BICDL1: variants seen among roughly 807,000 people sequenced by gnomAD.
The protein encoded by BICDL1 is BICD family-like cargo adapter 1.
In BICDL1, 20 loss-of-function variants were observed where a neutral mutation model predicts 76.8. The observed-to-expected ratio is 0.26, with a 90% CI of 0.18 to 0.38. The LOEUF is 0.38. Ranked by LOEUF, BICDL1 falls within the 10% of genes least tolerant of loss-of-function variation. BICDL1 has a pLI of 1.00. For missense variants in BICDL1, 700 were observed against 798.6 expected (o/e 0.88, Z 1.49); for synonymous variants, 383 against 337.1 (o/e 1.14, Z -1.49).
intron 2 of BICDL1, among the ~76,000 whole-genome samples, chr12:120,030,352 A>G (rs1453508208): frequency 6.6e-6 from 1 of 152,238 alleles, no homozygotes; most frequent in Non-Finnish European, 1.5e-5. Flanking sequence ...TCAACCCTTC[A>G]TTAAACCCAA....
intron 2 of BICDL1, among the ~76,000 whole-genome samples, chr12:120,044,597 A>G (rs1412287802): frequency 1.3e-5 from 2 of 152,244 alleles, no homozygotes. Flanking sequence ...TCCTTTTGAA[A>G]GTATAAACAT....
chr12:120,064,138 TC>T (rs1953167352), intron 3 of BICDL1, among the ~76,000 whole-genome samples: 1 of 152,176 alleles, frequency 6.6e-6, no homozygotes, highest in Non-Finnish European at 1.5e-5. Context: ...TCCTGCTCCA[TC>T]CCAGGACACA....
At chr12:120,073,657 C>A (rs748000252) in intron 6 of BICDL1, among the ~76,000 whole-genome samples, 9 of 152,208 alleles carry the variant, frequency 5.9e-5, no homozygotes, top group Admixed American at 3.9e-4. Flanking sequence ...GCTATTATTT[C>A]TCCTCACGTT....
chr12:119,993,999 C>T (rs943788261), intron 1 of BICDL1, among the ~76,000 whole-genome samples: 4 of 152,242 alleles, frequency 2.6e-5, no homozygotes, highest in Non-Finnish European at 4.4e-5. Flanking sequence ...TATATCCGGT[C>T]ATGTCCTTAG....
chr12:120,057,413 GT>G (rs1952998941), intron 2 of BICDL1, among the ~76,000 whole-genome samples: 1 of 152,028 alleles, frequency 6.6e-6, no homozygotes, highest in African/African-American at 2.4e-5. Flanking sequence ...TTCTTCAAAG[GT>G]TCTTCAAAGA....
intron 2 of BICDL1, among the ~76,000 whole-genome samples, chr12:120,059,452 T>G (rs1953055719): frequency 6.6e-6 from 1 of 152,092 alleles, no homozygotes; most frequent in Admixed American, 6.6e-5. Context: ...ATTTTTGTAT[T>G]TTTAGTAGAC....
intron 4 of BICDL1, among the ~76,000 whole-genome samples, chr12:120,070,216 C>T (rs1382630001): frequency 2.0e-5 from 3 of 152,124 alleles, no homozygotes; most frequent in Admixed American, 6.6e-5. Flanking sequence ...CCAAAGTATT[C>T]GTACATTTTC....
At chr12:120,064,922 A>G (rs2286040) in intron 4 of BICDL1, 43 bp downstream of exon 4, 188,323 of 1,553,148 alleles carry the variant, frequency 0.12, 15,287 homozygotes, top group East Asian at 0.42. Context: ...AGAGCCAGAT[A>G]AAAGGAGCAC....
Position 120,064,789 on chromosome 12 carries a change from A to G in BICDL1, c.819A>G (p.Leu273=). ...RELEHRLSAT[L]EENDLLQGTV... ...TGGAGCATCGTCTCAGCGCTACTTTAGAGGAAAATGACCTGCTCCAAGGGA... is the reference window on the plus strand; with the variant it reads ...TGGAGCATCGTCTCAGCGCTACTTTGGAGGAAAATGACCTGCTCCAAGGGA... The change falls in exon 4 of 10, where the codon TTA becomes TTG. Residue 273 remains leucine (L), a synonymous_variant. Transcript: ENST00000548673. 6.2e-7 allele frequency: 1 copy of G among 1,613,814 alleles called. No individual in the cohort carries two copies. Among genetic ancestry groups the G allele is most frequent in the South Asian group, 1.1e-5 (1 of 91,070 alleles).
intron 2 of BICDL1, among the ~76,000 whole-genome samples, chr12:120,027,027 CTTTTTTT>C (rs10606114): frequency 3.4e-5 from 4 of 118,098 alleles, no homozygotes; most frequent in East Asian, 2.3e-4. Context: ...GATGTAATTT[CTTTTTTT>C]TTTTTTTTTT....
intron 2 of BICDL1, among the ~76,000 whole-genome samples, chr12:120,050,885 G>T (rs1323844822): frequency 6.6e-6 from 1 of 152,098 alleles, no homozygotes; most frequent in Non-Finnish European, 1.5e-5. Flanking sequence ...TCCCACCTTG[G>T]CCTCCCAAAG....
chr12:120,081,970 AT>A (rs1472502175), intron 8 of BICDL1, among the ~76,000 whole-genome samples: 2 of 151,708 alleles, frequency 1.3e-5, no homozygotes, highest in African/African-American at 2.4e-5. Context: ...CTTGAAAAAA[AT>A]AATTTCTTAA....
intron 2 of BICDL1, among the ~76,000 whole-genome samples, chr12:120,035,198 T>C (rs1264177350): frequency 6.6e-6 from 1 of 152,050 alleles, no homozygotes. Flanking sequence ...TAGCCGGGTG[T>C]GGTGGTGCAC....
intron 2 of BICDL1, among the ~76,000 whole-genome samples, chr12:120,001,865 T>C (rs1394934103): frequency 6.6e-6 from 1 of 152,144 alleles, no homozygotes; most frequent in Non-Finnish European, 1.5e-5. Context: ...GCCTGAACTA[T>C]ACAGTAAGAC....
At chr12:120,050,331 A>T (rs1435245013) in intron 2 of BICDL1, among the ~76,000 whole-genome samples, 1 of 146,050 alleles carries the variant, frequency 6.8e-6, no homozygotes, top group Non-Finnish European at 1.5e-5. Flanking sequence ...CAGTGGCGTG[A>T]TCTCGGCTCA....
intron 2 of BICDL1, among the ~76,000 whole-genome samples, chr12:120,036,986 A>T (rs2138788273): frequency 1.3e-5 from 2 of 152,354 alleles, no homozygotes; most frequent in East Asian, 3.9e-4. Context: ...TGCTTTGAGG[A>T]TTCACTTTCC....
In BICDL1 at chr12:120,038,854, A is replaced by C. The variant is rs540351795; in HGVS notation, c.646-22856A>C. ...GATTATTTTGAGGATTTAATGAAAT[A>C]GTTCATGTGACACCAATTGGCACGG... On this transcript the variant is annotated intron_variant, in intron 2 of 9. Coordinates refer to ENST00000548673, the MANE Select transcript of BICDL1 (RefSeq NM_001367886.1). Among the ~76,000 whole-genome samples, 5 of 152,322 alleles carry C rather than the reference A, an allele frequency of 3.3e-5. No individual in the cohort carries two copies. The East Asian group carries it at 7.7e-4, about 24-fold the overall frequency.
At chr12:120,050,191 A>G (rs1391507602) in intron 2 of BICDL1, among the ~76,000 whole-genome samples, 1 of 151,598 alleles carries the variant, frequency 6.6e-6, no homozygotes, top group Non-Finnish European at 1.5e-5. Context: ...TATATTCTGA[A>G]TACAAGTCAG....
intron 2 of BICDL1, among the ~76,000 whole-genome samples, chr12:120,013,177 G>T (rs1228473435): frequency 6.6e-6 from 1 of 151,948 alleles, no homozygotes; most frequent in Admixed American, 6.6e-5. Context: ...AGCCGGGTCT[G>T]GTGGCATATG....
Sources: allele counts gnomAD v4.1 joint callset (sites outside exome capture counted in the v4.1 genomes callset), GRCh38; gene constraint gnomAD v4.1.1; transcripts MANE v1.5; gene names NCBI Gene and HGNC (gene_info 2026-07-23, HGNC 2026-07-21).